Variants in SFXN5 observed in about 807,000 individuals in gnomAD.
The protein encoded by SFXN5 is sideroflexin 5, also known as sideroflexin-5.
SFXN5 carries 43 observed loss-of-function variants against 50.2 expected under a neutral mutation model. That is an observed-to-expected ratio of 0.86 (90% confidence interval 0.67 to 1.11). The LOEUF (loss-of-function observed/expected upper bound fraction) is 1.11. Among genes scored for constraint, SFXN5 ranks in the 50% least tolerant of loss-of-function variants. The pLI, the probability that SFXN5 is intolerant of heterozygous loss-of-function variation, is 0.00. For synonymous variants in SFXN5, 203 were observed against 185.8 expected (o/e 1.09, Z -0.75); for missense variants, 463 against 454.1 (o/e 1.02, Z -0.18).
At chr2:73,025,158 C>A (rs13411871) in intron 3 of SFXN5, among the ~76,000 whole-genome samples, 40,383 of 150,630 alleles carry the variant, frequency 0.27, 5,745 homozygotes, top group East Asian at 0.51. Flanking sequence ...ACAACAACAA[C>A]AAAAAAAAAC....
chr2:72,988,162 T>C (rs1672134551), intron 10 of SFXN5, 96 bp downstream of exon 10: 2 of 1,120,754 alleles, frequency 1.8e-6, no homozygotes, highest in Admixed American at 5.0e-5. Flanking sequence ...CCCCTGGGCA[T>C]CAGGAGAGGT....
chr2:72,959,214 G>T (rs1673437875), intron 13 of SFXN5, among the ~76,000 whole-genome samples: 1 of 152,134 alleles, frequency 6.6e-6, no homozygotes, highest in Non-Finnish European at 1.5e-5. Flanking sequence ...GACACCTCCT[G>T]GGCCCTCTTG....
intron 2 of SFXN5, among the ~76,000 whole-genome samples, chr2:73,047,281 C>CACACAT (rs1175880051): frequency 5.1e-5 from 3 of 58,512 alleles, no homozygotes; most frequent in Admixed American, 2.6e-4. Context: ...TATATACACA[C>CACACAT]ATATATATAT....
intron 5 of SFXN5, 101 bp from the exon 6 acceptor site, chr2:73,020,365 G>T: frequency 8.5e-7 from 1 of 1,179,978 alleles, no homozygotes; most frequent in African/African-American, 1.6e-5. Flanking sequence ...CAGTGGCCCT[G>T]ATGAAGGGGC....
At chr2:72,991,576 A>C (rs1208441942) in intron 9 of SFXN5, among the ~76,000 whole-genome samples, 1 of 152,260 alleles carries the variant, frequency 6.6e-6, no homozygotes, top group Non-Finnish European at 1.5e-5. Flanking sequence ...GCCCCAGCCC[A>C]GGTCTTACCG....
chr2:73,058,826 C>T (rs1682482105), intron 1 of SFXN5, among the ~76,000 whole-genome samples: 1 of 152,176 alleles, frequency 6.6e-6, no homozygotes, highest in African/African-American at 2.4e-5. Flanking sequence ...ACAGGCCCAT[C>T]TGCTCTTCCA....
At position 72,961,156 on chromosome 2, in the gene SFXN5, A is replaced by G; in HGVS notation, c.920T>C (p.Ile307Thr). ...CTCTGACATTTGCGGGAAGAGGCTG[A>G]TGGCCAGCGGCAGGGCCAGGCCGAA... ...AAFGLALPLA[I>T]SLFPQMSEIE... Residue 307 changes from isoleucine to threonine, a missense_variant, in exon 13 of 14, where the codon ATC becomes ACC. Physicochemically the swap from Ile to Thr is moderately conservative, Grantham distance 89. Transcript: ENST00000272433. The surrounding 1 kb of genome is among the most constrained non-coding windows in gnomAD (Gnocchi z 4.4). 1 of 1,584,052 alleles carries G rather than the reference A, an allele frequency of 6.3e-7. No homozygotes were observed. Among genetic ancestry groups the G allele is most frequent in the Non-Finnish European group, 8.6e-7 (1 of 1,166,772 alleles).
chr2:73,026,126 C>CTTTTTT lies in SFXN5; in HGVS notation c.250-2918_250-2913dup, dbSNP rs759334127. On this transcript the variant is annotated intron_variant, in intron 3 of 13. Coordinates refer to ENST00000272433, the MANE Select transcript of SFXN5 (RefSeq NM_144579.3). The stretch of plus-strand genomic sequence containing the variant: ...CCAGTGGTCTAATGCTGTGTGGCTG[C>CTTTTTT]TTTTTTTTTTTCTTTTTTTGAGACA... Among the ~76,000 whole-genome samples, 794 of 133,606 alleles carry CTTTTTT rather than the reference C, an allele frequency of 5.9e-3. 80 individuals carry two copies. The highest frequency in any genetic ancestry group is 0.017 in the African/African-American group (560 of 32,590). 87.7% of individuals were successfully genotyped at this position (133,606 alleles called of 152,430 possible). A position where few individuals can be genotyped will look rare whatever the true frequency, so the allele number is the denominator to read the frequency against.
Position 72,968,510 on chromosome 2 carries a change from C to T in SFXN5, c.765G>A (p.Thr255=), listed in dbSNP as rs376896256. Residue 255 remains threonine (T), a synonymous_variant, in exon 12 of 14, where the codon ACG becomes ACA. Transcript: ENST00000272433. ...ARHALLETAL[T]RVVLPMPILV... The stretch of plus-strand genomic sequence containing the variant: ...GGATGGGCATGGGCAGGACCACTCG[C>T]GTCAGCGCCGTCTCCAGCAGGGCCT... 3.8e-5 allele frequency: 62 copies of T among 1,613,340 alleles called. No homozygotes were observed. Among genetic ancestry groups the T allele is most frequent in the Admixed American group, 8.3e-5 (5 of 60,028 alleles).
In SFXN5 at chr2:72,953,043, C is replaced by G. The variant is rs1366505200; in HGVS notation, c.946-7944G>C. ...TGGGGGAAAGGCTGTCAGGCAGCCC[C>G]GCCGAGGCCTGCCACCCGGGCATGT... On this transcript the variant is annotated intron_variant, in intron 13 of 13. Coordinates refer to ENST00000272433, the MANE Select transcript of SFXN5 (RefSeq NM_144579.3). This position sits in a 1 kb window ranked among gnomAD's most constrained non-coding sequence, Gnocchi z 4.1. Among the ~76,000 whole-genome samples the G allele has an allele frequency of 6.6e-6, 1 of 152,206 alleles. No individual in the cohort carries two copies. The highest frequency in any genetic ancestry group is 2.4e-5 in the African/African-American group (1 of 41,460).
rs573436866 is a variant in SFXN5 at position 72,950,395 on chromosome 2, C to T, written c.946-5296G>A. On this transcript the variant is annotated intron_variant, in intron 13 of 13. Transcript: ENST00000272433. This position sits in a 1 kb window ranked among gnomAD's most constrained non-coding sequence, Gnocchi z 4.2. ...GCTGATCCTGGTTCATAGCCTCTCA[C>T]TCTATCCCAGGCCAACTTAACTGGT... 3.3e-5 allele frequency among the ~76,000 whole-genome samples: 5 copies of T among 152,328 alleles called. No individual in the cohort carries two copies. Among genetic ancestry groups the T allele is most frequent in the African/African-American group, 1.2e-4 (5 of 41,580 alleles).
intron 2 of SFXN5, among the ~76,000 whole-genome samples, chr2:73,054,774 T>C (rs1354150510): frequency 6.6e-6 from 1 of 152,242 alleles, no homozygotes; most frequent in East Asian, 1.9e-4. Context: ...GTTGGGATTT[T>C]AGGACTGCAA....
intron 2 of SFXN5, among the ~76,000 whole-genome samples, chr2:73,044,348 G>A (rs1680029417): frequency 6.6e-6 from 1 of 152,212 alleles, no homozygotes; most frequent in African/African-American, 2.4e-5. Context: ...GCTGGCCTTG[G>A]ACCTTACGAA....
At chr2:72,964,676 TTCA>T (rs1674161207) in intron 12 of SFXN5, among the ~76,000 whole-genome samples, 1 of 152,238 alleles carries the variant, frequency 6.6e-6, no homozygotes, top group African/African-American at 2.4e-5. Flanking sequence ...CTGGGTCTTA[TTCA>T]TCTTCATCTT....
At chr2:73,061,292 A>G (rs1399146754) in intron 1 of SFXN5, among the ~76,000 whole-genome samples, 1 of 149,954 alleles carries the variant, frequency 6.7e-6, no homozygotes, top group Admixed American at 6.7e-5. Flanking sequence ...TAGGCGACAG[A>G]GCAAGACTCT....
chr2:72,967,625 T>C (rs1011446887), intron 12 of SFXN5, among the ~76,000 whole-genome samples: 6 of 152,138 alleles, frequency 3.9e-5, no homozygotes, highest in African/African-American at 1.4e-4. Context: ...AGTAACCCCA[T>C]CCCTGTCCTT....
At chr2:72,968,166 CACAA>C (rs201476420) in intron 12 of SFXN5, among the ~76,000 whole-genome samples, 6 of 144,220 alleles carry the variant, frequency 4.2e-5, no homozygotes, top group South Asian at 2.2e-4. Context: ...CACACACACA[CACAA>C]CTGCCAGCTC....
At chr2:72,974,556 C>T (rs192533249) in intron 10 of SFXN5, among the ~76,000 whole-genome samples, 11 of 152,246 alleles carry the variant, frequency 7.2e-5, no homozygotes, top group East Asian at 3.9e-4. Context: ...CCCTTGAAAC[C>T]GGCAATTCTT....
chr2:73,050,388 G>GCGCGCGCGCACACACACACA, intron 2 of SFXN5, among the ~76,000 whole-genome samples: 262 of 143,906 alleles, frequency 1.8e-3, no homozygotes, highest in South Asian at 7.3e-3. Flanking sequence ...CAGCCACAGC[G>GCGCGCGCGCACACACACACA]CACGCACACA....
Sources: allele counts gnomAD v4.1 joint callset (sites outside exome capture counted in the v4.1 genomes callset), GRCh38; gene constraint gnomAD v4.1.1; non-coding constraint Gnocchi (gnomAD v3.1); transcripts MANE v1.5; gene names NCBI Gene and HGNC (gene_info 2026-07-23, HGNC 2026-07-21).